Variants in EMCN observed in about 807,000 individuals in gnomAD.
EMCN encodes the protein MUC-14.
Under a neutral mutation model 38.4 loss-of-function variants are expected in EMCN, and 37 were observed. The ratio of observed to expected loss-of-function variants is 0.96; its 90% CI spans 0.74 to 1.27. The LOEUF (loss-of-function observed/expected upper bound fraction) is 1.27, where lower values mean the gene tolerates loss of function less well. Among genes scored for constraint, EMCN ranks in the 50% most tolerant of loss-of-function variants. EMCN has a pLI of 0.00. For synonymous variants in EMCN, 95 were observed against 100.8 expected (o/e 0.94, Z 0.35); for missense variants, 318 against 302.8 (o/e 1.05, Z -0.37).
At chr4:100,442,364 G>A (rs956270361) in intron 5 of EMCN, among the ~76,000 whole-genome samples, 1 of 152,176 alleles carries the variant, frequency 6.6e-6, no homozygotes, top group African/African-American at 2.4e-5. Context: ...ATGTGCCTTA[G>A]AGAGGATCTC....
rs566672494 is a variant in EMCN, at chr4:100,479,528, A to G, written c.187+389T>C. On this transcript the variant is annotated intron_variant, in intron 2 of 11. Transcript: ENST00000296420. ...TTAAATCTATTATCAACAGAATGCAACCAACAAAACCAATCTGTTATTAAT... is the reference window on the plus strand; with the variant it reads ...TTAAATCTATTATCAACAGAATGCAGCCAACAAAACCAATCTGTTATTAAT... 9.2e-5 allele frequency among the ~76,000 whole-genome samples: 14 copies of G among 152,246 alleles called. No individual in the cohort carries two copies. The East Asian group carries it at 2.3e-3, about 25-fold the overall frequency.
At chr4:100,501,478 G>A (rs1729348537) in intron 1 of EMCN, among the ~76,000 whole-genome samples, 1 of 152,038 alleles carries the variant, frequency 6.6e-6, no homozygotes, top group Non-Finnish European at 1.5e-5. Flanking sequence ...CTGTATCTTT[G>A]TTATGGGACT....
At position 100,440,611 on chromosome 4, in the gene EMCN, G is replaced by GTA. The variant is rs752206924; in HGVS notation, c.415+6920_415+6921dup. Among the ~76,000 whole-genome samples the GTA allele has an allele frequency of 3.2e-4, 49 of 151,640 alleles. 1 individual carries two copies. Among genetic ancestry groups the GTA allele is most frequent in the Admixed American group, 1.1e-3 (17 of 15,180 alleles). ...CTGAGAAGTATTCTATGGTGTGTGTGTATATATATATGTGATATATATAAA... is the reference window on the plus strand; with the variant it reads ...CTGAGAAGTATTCTATGGTGTGTGTGTATATATATATATGTGATATATATAAA... On this transcript the variant is annotated intron_variant, in intron 5 of 11. Transcript: ENST00000296420.
chr4:100,403,024 AC>A (rs749668262), intron 11 of EMCN, among the ~76,000 whole-genome samples: 1 of 152,102 alleles, frequency 6.6e-6, no homozygotes, highest in Non-Finnish European at 1.5e-5. Flanking sequence ...CAAACTTTGC[AC>A]CTGAAAGTGT....
At chr4:100,509,719 A>G (rs1028787496) in intron 1 of EMCN, among the ~76,000 whole-genome samples, 21 of 152,182 alleles carry the variant, frequency 1.4e-4, no homozygotes, top group African/African-American at 4.8e-4. Flanking sequence ...TAACTGAAGC[A>G]TTATTTCAAC....
chr4:100,439,862 C>T (rs1435727036), intron 5 of EMCN, among the ~76,000 whole-genome samples: 1 of 151,844 alleles, frequency 6.6e-6, no homozygotes, highest in South Asian at 2.1e-4. Flanking sequence ...TTTTTAATTT[C>T]TCTTTTTATT....
intron 2 of EMCN, 61 bp from the exon 3 acceptor site, chr4:100,475,170 A>ACT: frequency 1.1e-6 from 1 of 882,934 alleles, no homozygotes; most frequent in South Asian, 2.4e-5. Context: ...CTGTCAATAA[A>ACT]TAAAGTAAGT....
At chr4:100,473,168 C>T (rs58113725) in intron 3 of EMCN, among the ~76,000 whole-genome samples, 3,100 of 149,744 alleles carry the variant, frequency 0.021, 114 homozygotes, top group African/African-American at 0.072. Flanking sequence ...ATGCGTGCCA[C>T]CACGCCCAGT....
chr4:100,508,270 A>T (rs767900240), intron 1 of EMCN, among the ~76,000 whole-genome samples: 9 of 152,204 alleles, frequency 5.9e-5, no homozygotes, highest in Non-Finnish European at 1.0e-4. Context: ...CTCTTGGCTC[A>T]AAGGTTCAGT....
intron 4 of EMCN, among the ~76,000 whole-genome samples, chr4:100,461,583 T>C (rs933111687): frequency 6.6e-6 from 1 of 152,176 alleles, no homozygotes; most frequent in African/African-American, 2.4e-5. Context: ...AAGTTCTATC[T>C]TAAAAATTCT....
intron 4 of EMCN, among the ~76,000 whole-genome samples, 197 bp from the exon 5 acceptor site, chr4:100,447,768 G>A (rs190132460): frequency 5.9e-5 from 9 of 152,076 alleles, no homozygotes; most frequent in Non-Finnish European, 1.2e-4. Context: ...TGGTTCAACC[G>A]ATTTTTCCCT....
chr4:100,440,054 C>A (rs3077043), intron 5 of EMCN, among the ~76,000 whole-genome samples: 16,276 of 151,946 alleles, frequency 0.11, 2,052 homozygotes, highest in East Asian at 0.56. Flanking sequence ...TATGGCCTAT[C>A]CCAGGGAATG....
intron 11 of EMCN, among the ~76,000 whole-genome samples, chr4:100,399,043 A>C (rs963343369): frequency 6.6e-6 from 1 of 152,132 alleles, no homozygotes; most frequent in Non-Finnish European, 1.5e-5. Context: ...GGCAACTTTA[A>C]AGCTTTGCTG....
intron 5 of EMCN, among the ~76,000 whole-genome samples, chr4:100,445,364 A>G (rs949529524): frequency 1.3e-5 from 2 of 152,194 alleles, no homozygotes; most frequent in African/African-American, 4.8e-5. Flanking sequence ...AAAAGGTTCT[A>G]CATAAAATCA....
chr4:100,509,412 TA>T (rs1278152637), intron 1 of EMCN, among the ~76,000 whole-genome samples: 1 of 152,172 alleles, frequency 6.6e-6, no homozygotes, highest in Non-Finnish European at 1.5e-5. Context: ...TCTGTGCATT[TA>T]AAAAAGGTGA....
In EMCN at chr4:100,396,027, C is replaced by G. The variant is rs73835438; in HGVS notation, c.*2386G>C. ...ACTGTGTATCAGAATAAAAAACTTA[C>G]AGTAAGCCAGGCATAAAAAGTAGAT... is the stretch of plus-strand genomic sequence containing the variant. On this transcript the variant is annotated 3_prime_UTR_variant, in exon 12 of 12. Transcript: ENST00000296420. 6.7e-3 allele frequency: 1,023 copies of G among 152,242 alleles called. 11 individuals carry two copies. The highest frequency in any genetic ancestry group is 0.023 in the African/African-American group (942 of 41,554). The allele number at this position is 152,242 out of a possible 1,614,324, so 9.4% of individuals were successfully genotyped here.
intron 1 of EMCN, among the ~76,000 whole-genome samples, chr4:100,497,635 C>T (rs1424065240): frequency 1.3e-5 from 2 of 152,120 alleles, no homozygotes; most frequent in African/African-American, 4.8e-5. Flanking sequence ...CTCAGCCTCC[C>T]AAAGTTCTGG....
At chr4:100,417,420 T>A (rs1255488746) in intron 8 of EMCN, among the ~76,000 whole-genome samples, 1 of 152,174 alleles carries the variant, frequency 6.6e-6, no homozygotes. Context: ...TATGTGAAAT[T>A]ACTGTTCATT....
intron 3 of EMCN, among the ~76,000 whole-genome samples, chr4:100,470,912 G>A (rs1728459426): frequency 6.6e-6 from 1 of 151,880 alleles, no homozygotes; most frequent in South Asian, 2.1e-4. Flanking sequence ...AAATGAATAT[G>A]AAAACATAAT....
Sources: allele counts gnomAD v4.1 joint callset (sites outside exome capture counted in the v4.1 genomes callset), GRCh38; gene constraint gnomAD v4.1.1; transcripts MANE v1.5; gene names NCBI Gene and HGNC (gene_info 2026-07-23, HGNC 2026-07-21).